Variants in HEATR5A observed in about 807,000 individuals in gnomAD.
HEATR5A encodes HEAT repeat containing 5A.
In HEATR5A, 178 loss-of-function variants were observed where a neutral mutation model predicts 218.8. That is an observed-to-expected ratio of 0.81 (90% CI 0.72 to 0.92). The LOEUF (loss-of-function observed/expected upper bound fraction) is 0.92, where lower values mean the gene tolerates loss of function less well. HEATR5A is among the 40% of genes least tolerant of loss of function. The probability of loss-of-function intolerance (pLI) is 0.00; values close to 1 mark genes in which losing one functional copy is unlikely to be tolerated. For synonymous variants in HEATR5A, 864 were observed against 871.6 expected (o/e 0.99, Z 0.15); for missense variants, 2,420 against 2,418.9 (o/e 1.00, Z -0.01).
At chr14:31,371,671 T>A in intron 13 of HEATR5A, 139 bp downstream of exon 13, 1 of 427,768 alleles carries the variant, frequency 2.3e-6, no homozygotes. Flanking sequence ...GATCCTAGCC[T>A]AAAAAAAAAT....
At chr14:31,322,173 T>C (rs994546629) in intron 24 of HEATR5A, among the ~76,000 whole-genome samples, 2 of 152,202 alleles carry the variant, frequency 1.3e-5, no homozygotes, top group Non-Finnish European at 2.9e-5. Flanking sequence ...ATAAAAAACA[T>C]TTCTAGTCGT....
At chr14:31,346,455 G>A (rs1431633574) in intron 19 of HEATR5A, among the ~76,000 whole-genome samples, 1 of 152,156 alleles carries the variant, frequency 6.6e-6, no homozygotes, top group African/African-American at 2.4e-5. Context: ...ATTAAAGCTT[G>A]GTGAGATGGT....
In HEATR5A at chr14:31,408,887, C is replaced by T. The variant is rs546854396; in HGVS notation, c.-74-5838G>A. On this transcript the variant is annotated intron_variant, in intron 1 of 35. Coordinates refer to ENST00000543095, the MANE Select transcript of HEATR5A (RefSeq NM_015473.4). ...CGGGCGGATCACGAGGTCAGGAGAT[C>T]GAGACCATCCCGGCTAAAACGGTGA... 1.1e-3 allele frequency among the ~76,000 whole-genome samples: 149 copies of T among 133,598 alleles called. 1 individual carries two copies. Among genetic ancestry groups the T allele is most frequent in the African/African-American group, 4.0e-3 (146 of 36,182 alleles). The allele number at this position is 133,598 out of a possible 152,430, so 87.6% of individuals were successfully genotyped here.
chr14:31,392,245 T>C (rs2030482534), intron 6 of HEATR5A, among the ~76,000 whole-genome samples: 1 of 152,150 alleles, frequency 6.6e-6, no homozygotes. Flanking sequence ...ATGTGCACAA[T>C]GTAAGTCTGC....
chr14:31,309,119 G>A lies in HEATR5A; in HGVS notation c.4505C>T (p.Ala1502Val), dbSNP rs755403099. ...CAATGCTGTAGCATGGAGGATAAGT[G>A]CCCAGGAGTTGTAATAATGCAATTT... ...NAKLHYYNSW[A>V]LILHATALWL... The change falls in exon 29 of 36, where the codon GCA becomes GTA. Residue 1502 changes from alanine to valine, a missense_variant. Ala to Val is a moderately conservative substitution (Grantham distance 64). Transcript: ENST00000543095. The A allele has an allele frequency of 2.5e-6, 4 of 1,613,888 alleles. No homozygotes were observed. Among genetic ancestry groups the A allele is most frequent in the Non-Finnish European group, 3.4e-6 (4 of 1,179,824 alleles).
intron 16 of HEATR5A, among the ~76,000 whole-genome samples, chr14:31,354,545 G>A (rs1024494180): frequency 6.6e-6 from 1 of 152,146 alleles, no homozygotes; most frequent in Non-Finnish European, 1.5e-5. Flanking sequence ...CAGGAAGATG[G>A]AGATGAGTTA....
rs1899096068 is a variant in HEATR5A at position 31,293,954 on chromosome 14, C to G, written c.5770G>C (p.Glu1924Gln). The stretch of plus-strand genomic sequence containing the variant: ...ACCTTTATGCCTTCTTGGAAGATCT[C>G]AAGCTCAGCAGTGTTTTCAGGTTTT... ...KRKPENTAEL[E>Q]IFQEGIKVLE... The change falls in exon 35 of 36, where the codon GAG becomes CAG. Residue 1924 changes from glutamate to glutamine, a missense_variant. Physicochemically the swap from Glu to Gln is conservative, Grantham distance 29. Coordinates refer to ENST00000543095, the MANE Select transcript of HEATR5A (RefSeq NM_015473.4). The G allele has an allele frequency of 1.9e-6, 3 of 1,608,158 alleles. No homozygotes were observed. Among genetic ancestry groups the G allele is most frequent in the Non-Finnish European group, 2.5e-6 (3 of 1,177,106 alleles).
In HEATR5A at chr14:31,349,128, G is replaced by A. The variant is rs115913922; in HGVS notation, c.2708+661C>T. Among the ~76,000 whole-genome samples, 1,389 of 152,210 alleles carry A rather than the reference G, an allele frequency of 9.1e-3. 16 individuals carry two copies. The highest frequency in any genetic ancestry group is 0.032 in the African/African-American group (1,321 of 41,540). ...GTACAGGCCAGGAGCAGTGGTCCAC[G>A]CTTTTAATCCCAGCACTTTGGGAGG... On this transcript the variant is annotated intron_variant, in intron 18 of 35. Coordinates refer to ENST00000543095, the MANE Select transcript of HEATR5A (RefSeq NM_015473.4).
intron 18 of HEATR5A, 108 bp from the exon 19 acceptor site, chr14:31,348,015 T>C: frequency 1.7e-6 from 1 of 587,914 alleles, no homozygotes; most frequent in Non-Finnish European, 2.6e-6. Context: ...TATGGATAGT[T>C]GCAAAATTTA....
At chr14:31,409,797 C>T (rs115141615) in intron 1 of HEATR5A, among the ~76,000 whole-genome samples, 1,865 of 152,298 alleles carry the variant, frequency 0.012, 28 homozygotes, top group African/African-American at 0.037. Flanking sequence ...GCACCTTCAA[C>T]AATGTCAACA....
rs1011920808 is a variant in HEATR5A, at chr14:31,292,981, T to C, written c.*324A>G. On this transcript the variant is annotated 3_prime_UTR_variant, in exon 36 of 36. Transcript: ENST00000543095. Reference sequence around the variant, plus strand: ...GTCACAGTATTAAGTATACCACATATGTATGGACTGTTAGAAGAAATTCAT... The same window carrying C: ...GTCACAGTATTAAGTATACCACATACGTATGGACTGTTAGAAGAAATTCAT... The C allele has an allele frequency of 8.4e-6, 2 of 238,984 alleles. No individual in the cohort carries two copies. Among genetic ancestry groups the C allele is most frequent in the Non-Finnish European group, 8.1e-6 (1 of 123,400 alleles). 14.8% of individuals were successfully genotyped at this position (238,984 alleles called of 1,614,324 possible). A position where few individuals can be genotyped will look rare whatever the true frequency, so the allele number is the denominator to read the frequency against.
At chr14:31,294,368 C>T (rs1595068467) in intron 34 of HEATR5A, among the ~76,000 whole-genome samples, 1 of 151,642 alleles carries the variant, frequency 6.6e-6, no homozygotes, top group Non-Finnish European at 1.5e-5. Flanking sequence ...TCCCATTTTC[C>T]CCCTCATGTC....
chr14:31,370,038 A>G lies in HEATR5A; in HGVS notation c.1961+1772T>C, dbSNP rs887721274. Among the ~76,000 whole-genome samples, 15 of 152,134 alleles carry G rather than the reference A, an allele frequency of 9.9e-5. No homozygotes were observed. The East Asian group carries it at 1.4e-3, about 14-fold the overall frequency. On this transcript the variant is annotated intron_variant, in intron 13 of 35. Coordinates refer to ENST00000543095, the MANE Select transcript of HEATR5A (RefSeq NM_015473.4). The stretch of plus-strand genomic sequence containing the variant: ...TCAGGAGATCGAGACCATCCTGGCT[A>G]ACACGGTGAAACCCCATCTCTATTA...
chr14:31,417,746 T>C (rs1173721116), intron 1 of HEATR5A, among the ~76,000 whole-genome samples: 1 of 145,148 alleles, frequency 6.9e-6, no homozygotes, highest in Non-Finnish European at 1.5e-5. Flanking sequence ...CGAGACTCCA[T>C]CTCAAAAAAA....
Position 31,383,627 on chromosome 14 carries a change from C to G in HEATR5A, c.1490G>C (p.Gly497Ala). 1 of 1,613,990 alleles carries G rather than the reference C, an allele frequency of 6.2e-7. No individual in the cohort carries two copies. The highest frequency in any genetic ancestry group is 1.7e-5 in the Admixed American group (1 of 60,026). Residue 497 changes from glycine to alanine, a missense_variant, in exon 10 of 36, where the codon GGA (glycine) becomes GCA (alanine). Transcript: ENST00000543095. ...CACTGCTTCAGGTGAAGACTTATGT[C>G]CAGTAAGCCGTTCAAGGCAACGATC... ...LLDRCLERLTGHKSSPEAVTG... is the reference protein window; with the variant it reads ...LLDRCLERLTAHKSSPEAVTG...
Position 31,387,248 on chromosome 14 carries a change from G to C in HEATR5A, c.1061C>G (p.Ala354Gly). Residue 354 changes from alanine to glycine, a missense_variant, in exon 8 of 36, where the codon GCC becomes GGC. Ala to Gly is a moderately conservative substitution (Grantham distance 60). Coordinates refer to ENST00000543095, the MANE Select transcript of HEATR5A (RefSeq NM_015473.4). ...TGAAACACAACGGCGACAGCAGACGGCATCGATCTGAGTTTGGGTGGCTTT... is the reference window on the plus strand; with the variant it reads ...TGAAACACAACGGCGACAGCAGACGCCATCGATCTGAGTTTGGGTGGCTTT... The part of the protein sequence containing the change: ...HPKATQTQID[A>G]VCCRRCVSFI... The C allele has an allele frequency of 6.2e-7, 1 of 1,613,960 alleles. No individual in the cohort carries two copies. Among genetic ancestry groups the C allele is most frequent in the African/African-American group, 1.3e-5 (1 of 75,028 alleles).
chr14:31,325,283 T>C (rs572039933), intron 23 of HEATR5A, among the ~76,000 whole-genome samples: 2 of 152,306 alleles, frequency 1.3e-5, no homozygotes, highest in South Asian at 2.1e-4. Flanking sequence ...TTTTAAAGAT[T>C]TGAATATACT....
In HEATR5A at chr14:31,364,249, C is replaced by CT; in HGVS notation, c.2010dup (p.Val671SerfsTer4). On this transcript the variant is annotated frameshift_variant, in exon 14 of 36. Transcript: ENST00000543095. LOFTEE classifies it high-confidence loss of function. ...TCATAAAGTCTTTGTCTATAAACCA[C>CT]TGACGGTGTTTTCAAAGGACTTCCA... 1 of 1,555,496 alleles carries CT rather than the reference C, an allele frequency of 6.4e-7. No homozygotes were observed. Among genetic ancestry groups the CT allele is most frequent in the African/African-American group, 1.4e-5 (1 of 73,792 alleles).
intron 6 of HEATR5A, among the ~76,000 whole-genome samples, chr14:31,390,827 T>C (rs2030424424): frequency 6.6e-6 from 1 of 150,914 alleles, no homozygotes; most frequent in East Asian, 1.9e-4. Context: ...ATACTTTTTA[T>C]TGTTATTTTA....
Sources: gnomAD v4.1 joint callset for allele counts (sites outside exome capture counted in the v4.1 genomes callset) on GRCh38, gnomAD v4.1.1 for gene constraint, MANE v1.5 for transcripts, NCBI Gene and HGNC (gene_info 2026-07-23, HGNC 2026-07-21) for gene names.